The following MAPRE2 variants were observed in gnomAD, a reference collection of about 807,000 sequenced individuals.
The protein encoded by MAPRE2 is microtubule-associated protein RP/EB family member 2.
A neutral mutation model predicts 43.2 loss-of-function variants in MAPRE2; 13 were observed. The ratio of observed to expected loss-of-function variants is 0.30; its 90% CI spans 0.20 to 0.48. The LOEUF (loss-of-function observed/expected upper bound fraction) is 0.48. Ranked by LOEUF, MAPRE2 falls within the 20% of genes least tolerant of loss-of-function variation. The pLI is 0.99. For synonymous variants in MAPRE2, 135 were observed against 148.8 expected (o/e 0.91, Z 0.68); for missense variants, 161 against 400.2 (o/e 0.40, Z 5.10).
intron 2 of MAPRE2, among the ~76,000 whole-genome samples, chr18:35,017,250 T>TTTG (rs2097038978): frequency 2.9e-5 from 1 of 34,076 alleles, no homozygotes; most frequent in African/African-American, 5.9e-5. Context: ...TGTTGTTTTT[T>TTTG]TTTTTTTTTT....
At chr18:34,978,506 G>A in intron 1 of MAPRE2, 2 of 1,551,536 alleles carry the variant, frequency 1.3e-6, no homozygotes, top group Non-Finnish European at 1.7e-6. Context: ...TTGCTGAATA[G>A]GACACTGTGG....
chr18:35,022,700 G>C (rs1200850084), intron 2 of MAPRE2, among the ~76,000 whole-genome samples: 1 of 152,120 alleles, frequency 6.6e-6, no homozygotes, highest in Non-Finnish European at 1.5e-5. Context: ...GAAGCAATCT[G>C]TGTCAAAACA....
chr18:35,102,373 C>T (rs16966443), intron 4 of MAPRE2, among the ~76,000 whole-genome samples: 3,301 of 152,310 alleles, frequency 0.022, 113 homozygotes, highest in African/African-American at 0.075. Flanking sequence ...ATTAAAAAGG[C>T]AGAGCTATTT....
intron 6 of MAPRE2, among the ~76,000 whole-genome samples, chr18:35,136,516 G>C (rs949719788): frequency 6.6e-6 from 1 of 152,202 alleles, no homozygotes; most frequent in Non-Finnish European, 1.5e-5. Flanking sequence ...GATAAAAGCC[G>C]CCTGGAGGAC....
chr18:35,016,154 A>AT (rs1407045540), intron 2 of MAPRE2, among the ~76,000 whole-genome samples: 5 of 151,796 alleles, frequency 3.3e-5, no homozygotes, highest in Non-Finnish European at 7.4e-5. Context: ...GCTGCGTAGT[A>AT]TTTTATGGTA....
In MAPRE2 at chr18:35,141,869, A is replaced by ATTTC. The variant is rs548341821; in HGVS notation, c.*1504_*1507dup. ...GAATTATGTATCCTGAAGCTTTGAA[A>ATTTC]TTTCTTTATTAATCGATGAAATATG... On this transcript the variant is annotated 3_prime_UTR_variant, in exon 7 of 7. Coordinates refer to ENST00000300249, the MANE Select transcript of MAPRE2 (RefSeq NM_014268.4). 6.6e-6 allele frequency: 1 copy of ATTTC among 152,236 alleles called. No homozygotes were observed. The highest frequency in any genetic ancestry group is 1.5e-5 in the Non-Finnish European group (1 of 68,048). The allele number at this position is 152,236 out of a possible 1,614,324, so 9.4% of individuals were successfully genotyped here.
chr18:35,054,052 C>T (rs571006880), intron 1 of MAPRE2, among the ~76,000 whole-genome samples: 2 of 152,280 alleles, frequency 1.3e-5, no homozygotes, highest in African/African-American at 4.8e-5. Context: ...GGATGCCCCC[C>T]TTTTAAAAAT....
chr18:35,085,512 T>C (rs1190758959), intron 2 of MAPRE2, among the ~76,000 whole-genome samples: 1 of 152,178 alleles, frequency 6.6e-6, no homozygotes, highest in Non-Finnish European at 1.5e-5. Context: ...GAAGATAGGG[T>C]CACCAGAACT....
chr18:35,097,618 G>T, intron 3 of MAPRE2, 27 bp downstream of exon 3: 1 of 1,588,892 alleles, frequency 6.3e-7, no homozygotes, highest in Non-Finnish European at 8.6e-7. Flanking sequence ...TCCATAAAAT[G>T]TGTTGTTTTT....
chr18:35,078,123 A>G (rs1414009110), intron 2 of MAPRE2, among the ~76,000 whole-genome samples: 2 of 152,204 alleles, frequency 1.3e-5, no homozygotes, highest in Non-Finnish European at 2.9e-5. Context: ...TAAGCACCTC[A>G]TATGTTTATC....
intron 6 of MAPRE2, among the ~76,000 whole-genome samples, chr18:35,132,672 A>C (rs1327366818): frequency 6.6e-6 from 1 of 152,212 alleles, no homozygotes; most frequent in Non-Finnish European, 1.5e-5. Context: ...GGACAGCCAC[A>C]TGCCCATCTC....
intron 4 of MAPRE2, among the ~76,000 whole-genome samples, chr18:35,110,981 T>C (rs1217906123): frequency 6.6e-6 from 1 of 152,180 alleles, no homozygotes; most frequent in African/African-American, 2.4e-5. Context: ...AGTCTGTGAA[T>C]TTATGTCTTT....
chr18:35,122,085 T>A (rs1473528654), intron 4 of MAPRE2, among the ~76,000 whole-genome samples: 1 of 152,242 alleles, frequency 6.6e-6, no homozygotes, highest in Non-Finnish European at 1.5e-5. Context: ...TAAAGAGTTA[T>A]GCTGTATGTT....
At chr18:35,111,683 C>T (rs1362805621) in intron 4 of MAPRE2, among the ~76,000 whole-genome samples, 1 of 152,206 alleles carries the variant, frequency 6.6e-6, no homozygotes, top group East Asian at 1.9e-4. Flanking sequence ...CTGTCTGTGC[C>T]TTTATGCAAG....
chr18:35,133,495 TA>T (rs1910254109), intron 6 of MAPRE2, among the ~76,000 whole-genome samples: 1 of 152,184 alleles, frequency 6.6e-6, no homozygotes, highest in Non-Finnish European at 1.5e-5. Flanking sequence ...CTGTAAGCAC[TA>T]GATGGACTAT....
intron 1 of MAPRE2, 135 bp downstream of exon 1, chr18:35,041,796 T>C: frequency 6.6e-7 from 1 of 1,505,396 alleles, no homozygotes. Flanking sequence ...GTTGTGATTA[T>C]TTGGTATCTG....
intron 1 of MAPRE2, among the ~76,000 whole-genome samples, chr18:35,045,913 C>T (rs1457514320): frequency 6.6e-6 from 1 of 152,304 alleles, no homozygotes; most frequent in East Asian, 1.9e-4. Flanking sequence ...TCTGGAACTT[C>T]TTTTACGGAT....
At chr18:35,031,285 G>A (rs774847703) in intron 2 of MAPRE2, among the ~76,000 whole-genome samples, 3 of 152,198 alleles carry the variant, frequency 2.0e-5, no homozygotes, top group Non-Finnish European at 2.9e-5. Flanking sequence ...TTTGTAGAAT[G>A]AATGATTGAG....
At chr18:35,051,531 C>G (rs1390838696) in intron 1 of MAPRE2, among the ~76,000 whole-genome samples, 1 of 152,190 alleles carries the variant, frequency 6.6e-6, no homozygotes, top group Admixed American at 6.5e-5. Flanking sequence ...TCACTGCTAC[C>G]TCTACTCCAG....
Sources: allele counts gnomAD v4.1 joint callset (sites outside exome capture counted in the v4.1 genomes callset), GRCh38; gene constraint gnomAD v4.1.1; transcripts MANE v1.5; gene names NCBI Gene and HGNC (gene_info 2026-07-23, HGNC 2026-07-21).